The following FARP2 variants were observed in gnomAD, a reference collection of about 807,000 sequenced individuals.
FARP2 encodes FERM, ARH/RhoGEF and pleckstrin domain protein 2.
Under a neutral mutation model 130.5 loss-of-function variants are expected in FARP2, and 111 were observed. The ratio of observed to expected loss-of-function variants is 0.85; its 90% CI spans 0.73 to 1.00. The LOEUF (loss-of-function observed/expected upper bound fraction) is 1.00. Ranked by LOEUF, FARP2 falls within the 50% of genes least tolerant of loss-of-function variation. FARP2 has a pLI of 0.00. For missense variants in FARP2, 1,385 were observed against 1,346.3 expected (o/e 1.03, Z -0.45); for synonymous variants, 504 against 516.9 (o/e 0.98, Z 0.34).
intron 2 of FARP2, among the ~76,000 whole-genome samples, chr2:241,391,194 T>C (rs2061896342): frequency 6.6e-6 from 1 of 152,236 alleles, no homozygotes; most frequent in Non-Finnish European, 1.5e-5. Flanking sequence ...AAGCTACTCT[T>C]CTGTTTTGCT....
intron 19 of FARP2, among the ~76,000 whole-genome samples, chr2:241,477,424 G>A (rs1025519076): frequency 1.3e-5 from 2 of 152,028 alleles, no homozygotes; most frequent in Admixed American, 6.5e-5. Flanking sequence ...CACCGTGCCC[G>A]GCCTCATGTT....
chr2:241,471,851 GCTGTTCTGAAGGGAAC>G (rs1243972013), intron 18 of FARP2, among the ~76,000 whole-genome samples: 1 of 151,496 alleles, frequency 6.6e-6, no homozygotes, highest in Admixed American at 6.6e-5. Flanking sequence ...TTGTGAGGAC[GCTGTTCTGAAGGGAAC>G]CTGTTCTGTC....
intron 16 of FARP2, 151 bp downstream of exon 16, chr2:241,463,619 A>G (rs2064087195): frequency 2.4e-6 from 2 of 837,878 alleles, no homozygotes; most frequent in Non-Finnish European, 1.8e-6. Flanking sequence ...GTACAGATGT[A>G]ATAATACCCT....
rs2062208586 is a variant in FARP2 at position 241,402,839 on chromosome 2, TATATATATATATATATATATATATATA to T, written c.184-988_184-962del. ...CACGCCACTACACCCAGCTAATTTA[TATATATATATATATATATATATATATA>T]TATATATATATATATTTTTTTTTTT... On this transcript the variant is annotated intron_variant, in intron 2 of 26. Coordinates refer to ENST00000264042, the MANE Select transcript of FARP2 (RefSeq NM_014808.4). Among the ~76,000 whole-genome samples the T allele has an allele frequency of 5.2e-4, 16 of 30,850 alleles. 1 individual carries two copies. Among genetic ancestry groups the T allele is most frequent in the African/African-American group, 1.8e-3 (12 of 6,570 alleles). The allele number at this position is 30,850 out of a possible 152,430, so 20.2% of individuals were successfully genotyped here. A position where few individuals can be genotyped will look rare whatever the true frequency, so the allele number is the denominator to read the frequency against.
At chr2:241,366,753 G>A (rs2061329148) in intron 1 of FARP2, among the ~76,000 whole-genome samples, 1 of 152,058 alleles carries the variant, frequency 6.6e-6, no homozygotes, top group South Asian at 2.1e-4. Context: ...CCTTATCACA[G>A]AATCATGGAT....
chr2:241,456,994 G>T (rs1323865200), intron 14 of FARP2, 72 bp downstream of exon 14: 30 of 1,372,468 alleles, frequency 2.2e-5, no homozygotes, highest in Non-Finnish European at 2.8e-5. Context: ...CCTTCGGGTG[G>T]TGCTGGTGGG....
chr2:241,376,331 T>C (rs562288703), intron 2 of FARP2, among the ~76,000 whole-genome samples: 1 of 152,316 alleles, frequency 6.6e-6, no homozygotes, highest in South Asian at 2.1e-4. Flanking sequence ...CCAGGCTAGC[T>C]CTGATTCGAG....
intron 19 of FARP2, 82 bp downstream of exon 19, chr2:241,476,069 C>T (rs560384910): frequency 2.3e-5 from 31 of 1,367,644 alleles, no homozygotes; most frequent in Non-Finnish European, 2.9e-5. Flanking sequence ...ACAAAAGTCA[C>T]CATTTTAAAA....
chr2:241,438,252 C>A (rs2063293846), intron 12 of FARP2, among the ~76,000 whole-genome samples: 1 of 152,128 alleles, frequency 6.6e-6, no homozygotes, highest in South Asian at 2.1e-4. Context: ...ACTTGCACCT[C>A]ATTATATTAA....
intron 19 of FARP2, chr2:241,478,908 A>G (rs1221521000): frequency 5.0e-6 from 2 of 399,982 alleles, no homozygotes; most frequent in South Asian, 2.6e-5. Flanking sequence ...GTGGTGTCCA[A>G]GAAACTTCAC....
At chr2:241,405,732 G>T (rs953692512) in intron 4 of FARP2, among the ~76,000 whole-genome samples, 1 of 152,086 alleles carries the variant, frequency 6.6e-6, no homozygotes, top group East Asian at 1.9e-4. Flanking sequence ...TCAGGAGTTC[G>T]AGACCAGCCT....
At chr2:241,356,989 A>G (rs1029805862) in intron 1 of FARP2, among the ~76,000 whole-genome samples, 3 of 152,272 alleles carry the variant, frequency 2.0e-5, no homozygotes, top group Non-Finnish European at 2.9e-5. Flanking sequence ...TGGGAAACCC[A>G]TGAAAACTGG....
In FARP2 at chr2:241,468,309, A is replaced by ACCGCCTGCTGCTGCG; in HGVS notation, c.2070_2084dup (p.Leu691_Leu695dup). ...AAGCCCATCCAGCGGCTGCTGCACTACCGCCTGCTGCTGCGCCGCCTATGC... is the reference window on the plus strand; with the variant it reads ...AAGCCCATCCAGCGGCTGCTGCACTACCGCCTGCTGCTGCGCCGCCTGCTGCTGCGCCGCCTATGC... On this transcript the variant is annotated inframe_insertion, in exon 18 of 27. Coordinates refer to ENST00000264042, the MANE Select transcript of FARP2 (RefSeq NM_014808.4). 6.2e-7 allele frequency: 1 copy of ACCGCCTGCTGCTGCG among 1,613,352 alleles called. No homozygotes were observed. Among genetic ancestry groups the ACCGCCTGCTGCTGCG allele is most frequent in the East Asian group, 2.2e-5 (1 of 44,880 alleles).
In FARP2 at chr2:241,491,137, GC is replaced by G. The variant is rs748103336; in HGVS notation, c.2585del (p.Pro862LeufsTer76). On this transcript the variant is annotated frameshift_variant, in exon 23 of 27. Transcript: ENST00000264042. LOFTEE classifies it high-confidence loss of function. ...AGCAGCCAAGAGTGGCGGTGACACGGCCCCTGCACTGCCAGGCCGCACTGTG... is the reference window on the plus strand; with the variant it reads ...AGCAGCCAAGAGTGGCGGTGACACGGCCCTGCACTGCCAGGCCGCACTGTG... ...IQAAKSGGDTAPALPGRTVCT... is the reference protein window; with the variant it reads ...IQAAKSGGDTXPALPGRTVCT... 3 of 1,613,086 alleles carry G rather than the reference GC, an allele frequency of 1.9e-6. No homozygotes were observed. The highest frequency in any genetic ancestry group is 2.5e-6 in the Non-Finnish European group (3 of 1,179,974).
In FARP2 at chr2:241,431,774, TGTAA is replaced by T. The variant is rs2063097534; in HGVS notation, c.867+4_867+7del. 4 of 1,265,368 alleles carry T rather than the reference TGTAA, an allele frequency of 3.2e-6. No homozygotes were observed. The highest frequency in any genetic ancestry group is 4.4e-6 in the Non-Finnish European group (4 of 902,718). The allele number at this position is 1,265,368 out of a possible 1,614,324, so 78.4% of individuals were successfully genotyped here. On this transcript the variant is annotated splice_donor_variant and splice_donor_region_variant and intron_variant, in intron 9 of 26. Transcript: ENST00000264042. LOFTEE classifies it high-confidence loss of function. ...TTATCAAACTTCATCCAGAGGTTCA[TGTAA>T]GTATTATTTTCAACTTTTTATTTTT... is the stretch of plus-strand genomic sequence containing the variant.
At position 241,417,304 on chromosome 2, in the gene FARP2, AAAAAG is replaced by A. The variant is rs552289713; in HGVS notation, c.624-644_624-640del. Reference sequence around the variant, plus strand: ...CAGAGTGAGACTCCATCAAAAAAAAAAAAAGAAAAGAAAAGAAATACCATAGATAA... The same window carrying A: ...CAGAGTGAGACTCCATCAAAAAAAAAAAAAGAAAAGAAATACCATAGATAA... On this transcript the variant is annotated intron_variant, in intron 7 of 26. Transcript: ENST00000264042. Among the ~76,000 whole-genome samples the A allele has an allele frequency of 6.1e-3, 928 of 152,150 alleles. 8 individuals carry two copies. The highest frequency in any genetic ancestry group is 0.021 in the African/African-American group (855 of 41,494).
chr2:241,484,416 T>C, intron 21 of FARP2, 85 bp downstream of exon 21: 12 of 1,096,560 alleles, frequency 1.1e-5, no homozygotes, highest in Non-Finnish European at 1.7e-5. Flanking sequence ...GGCGAATCCT[T>C]ACCCAGCAAC....
chr2:241,453,769 GTTTTT>G (rs1180224982), intron 13 of FARP2, among the ~76,000 whole-genome samples: 58 of 54,052 alleles, frequency 1.1e-3, no homozygotes, highest in African/African-American at 4.1e-3. Flanking sequence ...GCACTTACTG[GTTTTT>G]TTTTTTTTTT....
At chr2:241,447,979 C>T (rs2063550188) in intron 13 of FARP2, among the ~76,000 whole-genome samples, 1 of 152,180 alleles carries the variant, frequency 6.6e-6, no homozygotes, top group Non-Finnish European at 1.5e-5. Context: ...TCAGTGAGCA[C>T]CTGAGGCCAG....
Sources: gnomAD v4.1 joint callset for allele counts (sites outside exome capture counted in the v4.1 genomes callset) on GRCh38, gnomAD v4.1.1 for gene constraint, MANE v1.5 for transcripts, NCBI Gene and HGNC (gene_info 2026-07-23, HGNC 2026-07-21) for gene names.